The following ABCA4 variants were observed in gnomAD, a reference collection of about 807,000 sequenced individuals.
ABCA4 encodes retinal-specific phospholipid-transporting ATPase ABCA4.
Under a neutral mutation model 263.7 loss-of-function variants are expected in ABCA4, and 196 were observed. The ratio of observed to expected loss-of-function variants is 0.74; its 90% CI spans 0.66 to 0.84. ABCA4 has a LOEUF of 0.84. Among genes scored for constraint, ABCA4 ranks in the 40% least tolerant of loss-of-function variants. The probability of loss-of-function intolerance (pLI) is 0.00; values close to 1 mark genes in which losing one functional copy is unlikely to be tolerated. For missense variants in ABCA4, 2,792 were observed against 2,855.1 expected, an observed-to-expected ratio of 0.98 and a Z score of 0.50; for synonymous variants, 1,133 against 1,094.2, an observed-to-expected ratio of 1.04 and a Z score of -0.70.
chr1:94,016,540 G>T (rs973568959), intron 36 of ABCA4, among the ~76,000 whole-genome samples: 2 of 152,146 alleles, frequency 1.3e-5, no homozygotes, highest in Admixed American at 1.3e-4. Context: ...GGCAGAGTTG[G>T]GCACTGTTCA....
At position 94,058,604 on chromosome 1, in the gene ABCA4, C is replaced by T. The variant is rs57488455; in HGVS notation, c.2161-1782G>A. Reference sequence around the variant, plus strand: ...CTGGAACTCCTGACCTGAAGTGATCCACCTGCCTCTGTCTCCCAAAGTATT... The same window carrying T: ...CTGGAACTCCTGACCTGAAGTGATCTACCTGCCTCTGTCTCCCAAAGTATT... On this transcript the variant is annotated intron_variant, in intron 14 of 49. Coordinates refer to ENST00000370225, the MANE Select transcript of ABCA4 (RefSeq NM_000350.3). 4.6e-5 allele frequency among the ~76,000 whole-genome samples: 7 copies of T among 152,358 alleles called. No homozygotes were observed. In the East Asian group the frequency reaches 1.4e-3, roughly 29 times the overall value.
At position 94,079,334 on chromosome 1, in the gene ABCA4, C is replaced by A. The variant is rs267598778; in HGVS notation, c.1227G>T (p.Arg409Ser). Reference protein sequence around the residue: ...LYTPDSPAARRILKNANSTFE... With the variant: ...LYTPDSPAARSILKNANSTFE... Reference sequence around the variant, plus strand: ...GCTGGGATCTTACATTCTTCAGTATCCTTCGTGCTGCAGGTGAATCAGGAG... The same window carrying A: ...GCTGGGATCTTACATTCTTCAGTATACTTCGTGCTGCAGGTGAATCAGGAG... The change falls in exon 9 of 50, where the codon AGG (arginine) becomes AGT (serine). Residue 409 changes from arginine to serine, a missense_variant. Coordinates refer to ENST00000370225, the MANE Select transcript of ABCA4 (RefSeq NM_000350.3). 43 of 1,613,998 alleles carry A rather than the reference C, an allele frequency of 2.7e-5. No homozygotes were observed. Among genetic ancestry groups the A allele is most frequent in the Non-Finnish European group, 3.5e-5 (41 of 1,180,030 alleles).
At chr1:94,104,605 G>T (rs1246427027) in intron 4 of ABCA4, among the ~76,000 whole-genome samples, 1 of 152,194 alleles carries the variant, frequency 6.6e-6, no homozygotes, top group African/African-American at 2.4e-5. Flanking sequence ...GCTGGGGCAG[G>T]GGAAGCCGGT....
chr1:93,996,314 T>C (rs1659002432), intron 48 of ABCA4, 119 bp from the exon 49 acceptor site: 1 of 815,412 alleles, frequency 1.2e-6, no homozygotes, highest in African/African-American at 1.7e-5. Flanking sequence ...CTGGTATGGC[T>C]TGTGTCCTAC....
At chr1:94,063,359 A>G (rs754032017) in intron 11 of ABCA4, 42 bp from the exon 12 acceptor site, 1 of 1,569,762 alleles carries the variant, frequency 6.4e-7, no homozygotes, top group Admixed American at 1.7e-5. Context: ...AGGAGGACCA[A>G]CTGCAAAGAC....
At chr1:94,039,454 C>A (rs1308930905) in intron 24 of ABCA4, among the ~76,000 whole-genome samples, 1 of 152,228 alleles carries the variant, frequency 6.6e-6, no homozygotes, top group Non-Finnish European at 1.5e-5. Context: ...ACGCTTCTCA[C>A]ACATTCTCTC....
intron 38 of ABCA4, 143 bp downstream of exon 38, chr1:94,014,400 A>C (rs1438452245): frequency 1.2e-6 from 1 of 837,278 alleles, no homozygotes; most frequent in Non-Finnish European, 1.9e-6. Context: ...GAAAGGAGGC[A>C]GGGTCGGGGG....
chr1:94,100,046 G>T (rs1029495369), intron 5 of ABCA4, among the ~76,000 whole-genome samples: 3 of 152,170 alleles, frequency 2.0e-5, no homozygotes, highest in African/African-American at 4.8e-5. Flanking sequence ...AGATTCCCGG[G>T]GCACCACAGT....
intron 6 of ABCA4, among the ~76,000 whole-genome samples, chr1:94,085,787 C>T (rs1455613982): frequency 6.6e-6 from 1 of 152,178 alleles, no homozygotes; most frequent in Non-Finnish European, 1.5e-5. Context: ...TCTGCTCACA[C>T]GTCAGCTGTC....
chr1:94,096,661 G>A (rs1347026790), intron 6 of ABCA4, among the ~76,000 whole-genome samples: 1 of 152,242 alleles, frequency 6.6e-6, no homozygotes, highest in Non-Finnish European at 1.5e-5. Flanking sequence ...TTGGAAGCCA[G>A]TGTCCTGAGT....
At chr1:94,088,642 A>G (rs1030898615) in intron 6 of ABCA4, among the ~76,000 whole-genome samples, 57 of 152,168 alleles carry the variant, frequency 3.7e-4, no homozygotes, top group African/African-American at 1.1e-3. Context: ...CCATTGTCTA[A>G]ATCTCCAGCC....
intron 4 of ABCA4, among the ~76,000 whole-genome samples, chr1:94,105,935 C>T (rs1342953940): frequency 6.6e-6 from 1 of 152,228 alleles, no homozygotes; most frequent in Non-Finnish European, 1.5e-5. Flanking sequence ...AAGGTGGGCT[C>T]TTCTGCCACA....
intron 48 of ABCA4, among the ~76,000 whole-genome samples, chr1:93,996,840 G>A (rs1175029591): frequency 1.3e-5 from 2 of 152,174 alleles, no homozygotes; most frequent in Non-Finnish European, 2.9e-5. Flanking sequence ...GATACAACAC[G>A]GATGAACCTT....
chr1:94,017,329 A>G (rs1040548719), intron 36 of ABCA4, among the ~76,000 whole-genome samples: 4 of 152,198 alleles, frequency 2.6e-5, no homozygotes, highest in Non-Finnish European at 5.9e-5. Context: ...CAGTGAGAAC[A>G]CAGCATCTGT....
chr1:94,071,705 C>T (rs563352666), intron 11 of ABCA4, among the ~76,000 whole-genome samples: 56 of 152,338 alleles, frequency 3.7e-4, no homozygotes, highest in African/African-American at 1.1e-3. Context: ...CTATGAGCTC[C>T]ATTGATTACT....
intron 26 of ABCA4, among the ~76,000 whole-genome samples, chr1:94,032,609 T>C (rs1660235359): frequency 6.6e-6 from 1 of 152,212 alleles, no homozygotes; most frequent in African/African-American, 2.4e-5. Context: ...CACTCCAGCC[T>C]GGGTGACAGA....
In ABCA4 at chr1:94,062,721, A is replaced by C. The variant is rs886044729; in HGVS notation, c.1793T>G (p.Val598Gly). 6.2e-7 allele frequency: 1 copy of C among 1,614,148 alleles called. No individual in the cohort carries two copies. Among genetic ancestry groups the C allele is most frequent in the Non-Finnish European group, 8.5e-7 (1 of 1,180,032 alleles). Residue 598 changes from valine (V) to glycine (G), a missense_variant, in exon 13 of 50, where the codon GTG becomes GGG. By Grantham distance (109) the Val-to-Gly change is moderately radical. Transcript: ENST00000370225. ...GCCCCAGATGTACCGGAAATCTTCCACGGGATCAGCTCTGGGACCAGAATC... is the reference window on the plus strand; with the variant it reads ...GCCCCAGATGTACCGGAAATCTTCCCCGGGATCAGCTCTGGGACCAGAATC... Reference protein sequence around the residue: ...YWDSGPRADPVEDFRYIWGGF... With the variant: ...YWDSGPRADPGEDFRYIWGGF...
chr1:94,014,207 T>G (rs1659654659), intron 38 of ABCA4, among the ~76,000 whole-genome samples: 1 of 143,600 alleles, frequency 7.0e-6, no homozygotes, highest in African/African-American at 2.6e-5. Context: ...GAAGGAAGGA[T>G]GGAGGGAGGG....
intron 6 of ABCA4, among the ~76,000 whole-genome samples, chr1:94,087,636 C>A (rs947843331): frequency 1.3e-5 from 2 of 152,188 alleles, no homozygotes; most frequent in African/African-American, 4.8e-5. Flanking sequence ...AAACACAGGG[C>A]AGCCTGGGGG....
Sources: allele counts gnomAD v4.1 joint callset (sites outside exome capture counted in the v4.1 genomes callset), GRCh38; gene constraint gnomAD v4.1.1; transcripts MANE v1.5; gene names NCBI Gene and HGNC (gene_info 2026-07-23, HGNC 2026-07-21).